IL15RA: variants seen among roughly 807,000 people sequenced by gnomAD.
The protein encoded by IL15RA is interleukin-15 receptor subunit alpha.
Under a neutral mutation model 24.2 loss-of-function variants are expected in IL15RA, and 26 were observed. The observed-to-expected ratio is 1.07, with a 90% CI of 0.79 to 1.49. IL15RA has a LOEUF of 1.49. IL15RA is among the 40% of genes most tolerant of loss of function. IL15RA has a pLI of 0.00. For missense variants in IL15RA, 354 were observed against 356.4 expected, an observed-to-expected ratio of 0.99 and a Z score of 0.05; for synonymous variants, 166 against 157.6, an observed-to-expected ratio of 1.05 and a Z score of -0.40.
chr10:5,976,973 A>C, intron 1 of IL15RA: 1 of 158,702 alleles, frequency 6.3e-6, no homozygotes, highest in Admixed American at 6.5e-5. Flanking sequence ...CGGGAGGAGT[A>C]GTTTCTCCCG....
chr10:5,967,284 A>C lies in IL15RA; in HGVS notation c.89-945T>G, dbSNP rs1314269427. On this transcript the variant is annotated intron_variant, in intron 1 of 6. Coordinates refer to ENST00000379977, the MANE Select transcript of IL15RA (RefSeq NM_002189.4). This position sits in a 1 kb window ranked among gnomAD's most constrained non-coding sequence, Gnocchi z 4.4. ...CAGTGGCACGATCTTGGCTCACTGC[A>C]ACCTCCACCTCCTGGGTTCAAGCGA... Among the ~76,000 whole-genome samples, 1 of 152,070 alleles carries C rather than the reference A, an allele frequency of 6.6e-6. No homozygotes were observed. Among genetic ancestry groups the C allele is most frequent in the Non-Finnish European group, 1.5e-5 (1 of 68,010 alleles).
chr10:5,970,302 C>T lies in IL15RA; in HGVS notation c.89-3963G>A, dbSNP rs1316467333. 6.6e-6 allele frequency among the ~76,000 whole-genome samples: 1 copy of T among 152,198 alleles called. No individual in the cohort carries two copies. Among genetic ancestry groups the T allele is most frequent in the Non-Finnish European group, 1.5e-5 (1 of 68,042 alleles). The stretch of plus-strand genomic sequence containing the variant: ...GCAGACTTCCAGTCTCTCCCCCAAG[C>T]CCTTGTGCTATTGTTCTATGTTTTG... On this transcript the variant is annotated intron_variant, in intron 1 of 6. Coordinates refer to ENST00000379977, the MANE Select transcript of IL15RA (RefSeq NM_002189.4). This position sits in a 1 kb window ranked among gnomAD's most constrained non-coding sequence, Gnocchi z 4.1.
chr10:5,959,470 T>G lies in IL15RA; in HGVS notation c.616+284A>C, dbSNP rs1047055140. 3.3e-5 allele frequency among the ~76,000 whole-genome samples: 5 copies of G among 152,230 alleles called. No individual in the cohort carries two copies. The highest frequency in any genetic ancestry group is 7.3e-5 in the Non-Finnish European group (5 of 68,034). On this transcript the variant is annotated intron_variant, in intron 5 of 6. Coordinates refer to ENST00000379977, the MANE Select transcript of IL15RA (RefSeq NM_002189.4). This position sits in a 1 kb window ranked among gnomAD's most constrained non-coding sequence, Gnocchi z 4.1. ...CATGCAAAAGAGGTGCACCCTGCTG[T>G]GAAGAGCTGACCTTGAGCCCTTATT...
upstream of IL15RA, chr10:5,977,573 G>C: frequency 7.9e-7 from 1 of 1,260,934 alleles, no homozygotes; most frequent in Non-Finnish European, 1.0e-6. Flanking sequence ...CGCTGCTCTG[G>C]GACCTGCCGC....
chr10:5,977,454 A>G lies in IL15RA; in HGVS notation c.39T>C (p.Gly13=). Residue 13 remains glycine, a synonymous_variant, in exon 1 of 7, where the codon GGT becomes GGC. Transcript: ENST00000379977. ...GCAGCAGCAGTAGCAGCGCCGGGAG[A>G]CCGAGGGTCCGGCAGCCGCGCGCCC... ...PRRARGCRTL[G]LPALLLLLLL... is the part of the protein sequence containing the mutation. 7.3e-7 allele frequency: 1 copy of G among 1,365,402 alleles called. No homozygotes were observed. The highest frequency in any genetic ancestry group is 9.4e-7 in the Non-Finnish European group (1 of 1,060,484). The allele number at this position is 1,365,402 out of a possible 1,614,324, so 84.6% of individuals were successfully genotyped here.
In IL15RA at chr10:5,958,126, T is replaced by C; in HGVS notation, c.616+1628A>G. 3.9e-6 allele frequency: 1 copy of C among 254,410 alleles called. No individual in the cohort carries two copies. Among genetic ancestry groups the C allele is most frequent in the Non-Finnish European group, 8.1e-6 (1 of 123,130 alleles). The allele number at this position is 254,410 out of a possible 1,614,324, so 15.8% of individuals were successfully genotyped here. A position where few individuals can be genotyped will look rare whatever the true frequency, so the allele number is the denominator to read the frequency against. ...GATAGGGGGTTGGCTAAATTAATGG[T>C]AGGAATTCCATACAGTGGAATATTC... On this transcript the variant is annotated intron_variant, in intron 5 of 6. Coordinates refer to ENST00000379977, the MANE Select transcript of IL15RA (RefSeq NM_002189.4). The surrounding 1 kb of genome is among the most constrained non-coding windows in gnomAD (Gnocchi z 4.3).
At position 5,952,895 on chromosome 10, in the gene IL15RA, G is replaced by T. The variant is rs987256261; in HGVS notation, c.*200C>A. On this transcript the variant is annotated 3_prime_UTR_variant, in exon 7 of 7. Transcript: ENST00000379977. ...CCAAGGCACGACAGGCAGGCAGGTG[G>T]TGCCCATGGGAATGCGGAGAACCTG... is the stretch of plus-strand genomic sequence containing the variant. 1.6e-6 allele frequency: 1 copy of T among 606,308 alleles called. No homozygotes were observed. Among genetic ancestry groups the T allele is most frequent in the Admixed American group, 3.0e-5 (1 of 33,846 alleles). 37.6% of individuals were successfully genotyped at this position (606,308 alleles called of 1,614,324 possible). A position where few individuals can be genotyped will look rare whatever the true frequency, so the allele number is the denominator to read the frequency against.
Position 5,962,832 on chromosome 10 carries a change from G to A in IL15RA, c.382+911C>T, listed in dbSNP as rs1835832996. Among the ~76,000 whole-genome samples, 1 of 152,202 alleles carries A rather than the reference G, an allele frequency of 6.6e-6. No individual in the cohort carries two copies. The highest frequency in any genetic ancestry group is 2.4e-5 in the African/African-American group (1 of 41,436). On this transcript the variant is annotated intron_variant, in intron 3 of 6. Transcript: ENST00000379977. The surrounding 1 kb of genome is among the most constrained non-coding windows in gnomAD (Gnocchi z 5.2). ...CTGGACGATGCAACACTAAAGCCAA[G>A]AGTGAACTGTAGCACAAAGGTATCA... is the stretch of plus-strand genomic sequence containing the variant.
rs866511125 is a variant in IL15RA at position 5,968,842 on chromosome 10, C to T, written c.89-2503G>A. The T allele has an allele frequency of 3.7e-5, 33 of 893,284 alleles. No individual in the cohort carries two copies. Among genetic ancestry groups the T allele is most frequent in the Middle Eastern group, 4.2e-4 (2 of 4,782 alleles). 55.3% of individuals were successfully genotyped at this position (893,284 alleles called of 1,614,324 possible). ...CAGTTTTCCATTGTCCTGAGTCTCA[C>T]GCAGGCCTCGTGTGTCTGGACCTCA... On this transcript the variant is annotated intron_variant, in intron 1 of 6. Coordinates refer to ENST00000379977, the MANE Select transcript of IL15RA (RefSeq NM_002189.4). This position sits in a 1 kb window ranked among gnomAD's most constrained non-coding sequence, Gnocchi z 5.4.
At chr10:5,949,564 G>T (rs573050972), downstream of IL15RA, among the ~76,000 whole-genome samples, 34 of 152,288 alleles carry the variant, frequency 2.2e-4, no homozygotes, top group Admixed American at 3.9e-4. The surrounding 1 kb of genome is among the most constrained non-coding windows in gnomAD (Gnocchi z 4.4). Context: ...AAGCCAGGAG[G>T]TGGCAGCCTC....
chr10:5,960,958 G>C lies in IL15RA; in HGVS notation c.383-391C>G, dbSNP rs550239733. On this transcript the variant is annotated intron_variant, in intron 3 of 6. Coordinates refer to ENST00000379977, the MANE Select transcript of IL15RA (RefSeq NM_002189.4). This position sits in a 1 kb window ranked among gnomAD's most constrained non-coding sequence, Gnocchi z 5.1. ...AGATGGAATCTTGCTCTGTTGCCAA[G>C]GTTGGAGTGCAGTGGCGCGATCTCA... Among the ~76,000 whole-genome samples the C allele has an allele frequency of 2.0e-4, 30 of 152,210 alleles. No individual in the cohort carries two copies. The highest frequency in any genetic ancestry group is 3.8e-4 in the Non-Finnish European group (26 of 68,008).
chr10:5,977,025 A>C (rs1838565442), intron 1 of IL15RA: 2 of 180,576 alleles, frequency 1.1e-5, no homozygotes, highest in African/African-American at 2.4e-5. Flanking sequence ...CCCGCCCTGC[A>C]GTCCAGGCGC....
In IL15RA at chr10:5,973,324, T is replaced by C. The variant is rs1369778066; in HGVS notation, c.88+4081A>G. 6.6e-6 allele frequency among the ~76,000 whole-genome samples: 1 copy of C among 152,240 alleles called. No individual in the cohort carries two copies. Among genetic ancestry groups the C allele is most frequent in the Non-Finnish European group, 1.5e-5 (1 of 68,028 alleles). ...CTTAATTTCTCTAAGCAATGCTTTG[T>C]AGTTTTCCATATATGAAAGATGTCT... On this transcript the variant is annotated intron_variant, in intron 1 of 6. Coordinates refer to ENST00000379977, the MANE Select transcript of IL15RA (RefSeq NM_002189.4). The surrounding 1 kb of genome is among the most constrained non-coding windows in gnomAD (Gnocchi z 4.5).
Position 5,959,817 on chromosome 10 carries a change from C to G in IL15RA, c.584-31G>C, listed in dbSNP as rs367757018. On this transcript the variant is annotated intron_variant, in intron 4 of 6. Coordinates refer to ENST00000379977, the MANE Select transcript of IL15RA (RefSeq NM_002189.4). This position sits in a 1 kb window ranked among gnomAD's most constrained non-coding sequence, Gnocchi z 4.1. Reference sequence around the variant, plus strand: ...GAAAAGAGAGGACAGCATCACGGCTCGAGTCCTAGAGGTCCTAGTTCCTCA... The same window carrying G: ...GAAAAGAGAGGACAGCATCACGGCTGGAGTCCTAGAGGTCCTAGTTCCTCA... 12 of 1,612,252 alleles carry G rather than the reference C, an allele frequency of 7.4e-6. No homozygotes were observed. The Admixed American group carries it at 2.0e-4, about 27-fold the overall frequency.
In IL15RA at chr10:5,975,019, C is replaced by CAAA. The variant is rs34573843; in HGVS notation, c.88+2383_88+2385dup. Among the ~76,000 whole-genome samples the CAAA allele has an allele frequency of 6.9e-6, 1 of 144,306 alleles. No homozygotes were observed. Among genetic ancestry groups the CAAA allele is most frequent in the African/African-American group, 2.6e-5 (1 of 38,926 alleles). The allele number at this position is 144,306 out of a possible 152,430, so 94.7% of individuals were successfully genotyped here. ...GGGAAACAATGGTGTGACATTGTTT[C>CAAA]AAAAAAAAAAAAATTAAACATACAC... On this transcript the variant is annotated intron_variant, in intron 1 of 6. Transcript: ENST00000379977. The surrounding 1 kb of genome is among the most constrained non-coding windows in gnomAD (Gnocchi z 4.8).
chr10:5,960,975 G>A lies in IL15RA; in HGVS notation c.383-408C>T, dbSNP rs568537007. On this transcript the variant is annotated intron_variant, in intron 3 of 6. Coordinates refer to ENST00000379977, the MANE Select transcript of IL15RA (RefSeq NM_002189.4). This position sits in a 1 kb window ranked among gnomAD's most constrained non-coding sequence, Gnocchi z 5.1. Reference sequence around the variant, plus strand: ...GTTGCCAAGGTTGGAGTGCAGTGGCGCGATCTCAGCTCACTGCAACCTCTG... The same window carrying A: ...GTTGCCAAGGTTGGAGTGCAGTGGCACGATCTCAGCTCACTGCAACCTCTG... 1.4e-4 allele frequency among the ~76,000 whole-genome samples: 21 copies of A among 152,042 alleles called. No individual in the cohort carries two copies. The highest frequency in any genetic ancestry group is 3.9e-4 in the African/African-American group (16 of 41,456).
downstream of IL15RA, chr10:5,949,162 T>C (rs1162967096): frequency 6.4e-6 from 3 of 466,432 alleles, no homozygotes; most frequent in African/African-American, 6.1e-5. The surrounding 1 kb of genome is among the most constrained non-coding windows in gnomAD (Gnocchi z 4.4). Context: ...CGCTGGTGTC[T>C]TCCCTATAGA....
chr10:5,954,501 C>G (rs1037914952), intron 6 of IL15RA, among the ~76,000 whole-genome samples: 4 of 151,930 alleles, frequency 2.6e-5, no homozygotes, highest in African/African-American at 7.3e-5. Context: ...ACTATGTTGT[C>G]CAGGCTGGTC....
At position 5,966,165 on chromosome 10, in the gene IL15RA, G is replaced by T. The variant is rs753007830; in HGVS notation, c.263C>A (p.Thr88Asn). ...NKATNVAHWT[T>N]PSLKCIRDPA... ...CTCACTAATGCATTTGAGACTGGGG[G>T]TTGTCCAGTGGGCGACATTCGTGGC... is the stretch of plus-strand genomic sequence containing the variant. The change falls in exon 2 of 7, where the codon ACC (threonine) becomes AAC (asparagine). Residue 88 changes from threonine (T) to asparagine (N), a missense_variant. Coordinates refer to ENST00000379977, the MANE Select transcript of IL15RA (RefSeq NM_002189.4). The surrounding 1 kb of genome is among the most constrained non-coding windows in gnomAD (Gnocchi z 6.4). The T allele has an allele frequency of 2.5e-6, 4 of 1,610,566 alleles. No individual in the cohort carries two copies. The highest frequency in any genetic ancestry group is 3.4e-6 in the Non-Finnish European group (4 of 1,177,086).
Sources: allele counts gnomAD v4.1 joint callset (sites outside exome capture counted in the v4.1 genomes callset), GRCh38; gene constraint gnomAD v4.1.1; non-coding constraint Gnocchi (gnomAD v3.1); transcripts MANE v1.5; gene names NCBI Gene and HGNC (gene_info 2026-07-23, HGNC 2026-07-21).